Variants in STARD9 observed in about 807,000 individuals in gnomAD.
The protein encoded by STARD9 is StAR related lipid transfer domain containing 9.
STARD9 carries 346 observed loss-of-function variants against 399.8 expected under a neutral mutation model. The ratio of observed to expected loss-of-function variants is 0.87; its 90% CI spans 0.79 to 0.95. The LOEUF (loss-of-function observed/expected upper bound fraction) is 0.95. Among genes scored for constraint, STARD9 ranks in the 40% least tolerant of loss-of-function variants. The pLI, the probability that STARD9 is intolerant of heterozygous loss-of-function variation, is 0.00. For missense variants in STARD9, 5,832 were observed against 5,667.5 expected, an observed-to-expected ratio of 1.03 and a Z score of -0.93; for synonymous variants, 2,203 against 2,143.5, an observed-to-expected ratio of 1.03 and a Z score of -0.77.
chr15:42,652,688 G>A (rs1419960581), intron 9 of STARD9, 96 bp downstream of exon 9: 1 of 1,193,014 alleles, frequency 8.4e-7, no homozygotes. Context: ...TTGTTTGTTG[G>A]TTTTTGAGAC....
chr15:42,718,562 G>C (rs1199928908), intron 31 of STARD9, 48 bp downstream of exon 31: 2 of 1,516,192 alleles, frequency 1.3e-6, no homozygotes, highest in Middle Eastern at 1.7e-4. Flanking sequence ...TTGGGCTGAA[G>C]TGTCGTGAGA....
At chr15:42,612,552 T>C (rs2141817856) in intron 3 of STARD9, among the ~76,000 whole-genome samples, 1 of 152,306 alleles carries the variant, frequency 6.6e-6, no homozygotes, top group Non-Finnish European at 1.5e-5. Context: ...TCCATCTTTT[T>C]GTAGGGAGGA....
chr15:42,650,996 C>A lies in STARD9; in HGVS notation c.560-20C>A. 6.7e-7 allele frequency: 1 copy of A among 1,482,656 alleles called. No homozygotes were observed. Among genetic ancestry groups the A allele is most frequent in the Non-Finnish European group, 9.0e-7 (1 of 1,108,950 alleles). 91.8% of individuals were successfully genotyped at this position (1,482,656 alleles called of 1,614,324 possible). ...AAAAATCTCATTTAATTTCTTTTTTCCGTTTCACAAATCCGATAGGTTTAT... is the reference window on the plus strand; with the variant it reads ...AAAAATCTCATTTAATTTCTTTTTTACGTTTCACAAATCCGATAGGTTTAT... On this transcript the variant is annotated intron_variant, in intron 7 of 32. Coordinates refer to ENST00000290607, the MANE Select transcript of STARD9 (RefSeq NM_020759.3).
intron 8 of STARD9, 146 bp from the exon 9 acceptor site, chr15:42,652,374 C>T: frequency 1.4e-6 from 1 of 691,746 alleles, no homozygotes; most frequent in East Asian, 2.7e-5. Context: ...GGACTATTCT[C>T]TTCACGATAC....
At chr15:42,652,930 G>A (rs576139769) in intron 9 of STARD9, among the ~76,000 whole-genome samples, 24 of 152,206 alleles carry the variant, frequency 1.6e-4, no homozygotes, top group South Asian at 1.2e-3. Context: ...CACCTGGCTC[G>A]GCCTGCCTAA....
intron 13 of STARD9, among the ~76,000 whole-genome samples, chr15:42,664,851 GC>G (rs2060062039): frequency 6.6e-6 from 1 of 150,814 alleles, no homozygotes; most frequent in Non-Finnish European, 1.5e-5. Context: ...TTTTAAAAAG[GC>G]AATGTAATTA....
intron 10 of STARD9, 65 bp downstream of exon 10, chr15:42,661,290 T>C (rs1264340676): frequency 9.1e-7 from 1 of 1,103,006 alleles, no homozygotes. Flanking sequence ...GGGAATAAGC[T>C]GTTCCAATCT....
At position 42,684,428 on chromosome 15, in the gene STARD9, A is replaced by G. The variant is rs1317755508; in HGVS notation, c.2850A>G (p.Ala950=). ...ATCAGATGGTGAGCCAGGGCTTAGC[A>G]TCTCTGAGGAAATCAGCTAACAAAC... ...QPHQMVSQGL[A]SLRKSANKLK... Residue 950 remains alanine (A), a synonymous_variant, in exon 23 of 33, where the codon GCA becomes GCG. Transcript: ENST00000290607. 2 of 1,537,240 alleles carry G rather than the reference A, an allele frequency of 1.3e-6. No individual in the cohort carries two copies. Among genetic ancestry groups the G allele is most frequent in the East Asian group, 2.4e-5 (1 of 40,910 alleles).
intron 2 of STARD9, among the ~76,000 whole-genome samples, chr15:42,584,500 C>T (rs1232547407): frequency 2.0e-5 from 3 of 152,178 alleles, no homozygotes; most frequent in Admixed American, 6.5e-5. Flanking sequence ...GCTGACTTCC[C>T]TGTGGTCAGT....
chr15:42,702,840 C>T (rs1473757368), intron 26 of STARD9, among the ~76,000 whole-genome samples: 1 of 152,194 alleles, frequency 6.6e-6, no homozygotes, highest in Non-Finnish European at 1.5e-5. Flanking sequence ...TCCTTCAGCA[C>T]TTTGACTGTC....
rs554958937 is a variant in STARD9 at position 42,689,796 on chromosome 15, G to T, written c.8218G>T (p.Val2740Leu). ...GGTCAGGAGGGTAGTATCAAAGAAG[G>T]TAGTGGCTGCCTTACCTTCTCAGGC... ...EEVRRVVSKK[V>L]VAALPSQAPY... is the part of the protein sequence containing the mutation. Residue 2740 changes from valine to leucine, a missense_variant, in exon 23 of 33, where the codon GTA (valine) becomes TTA (leucine). Transcript: ENST00000290607. 7.8e-6 allele frequency: 12 copies of T among 1,537,362 alleles called. No homozygotes were observed. Among genetic ancestry groups the T allele is most frequent in the Admixed American group, 3.9e-5 (2 of 51,000 alleles).
chr15:42,616,890 C>CAAAAAAA (rs565991513), intron 3 of STARD9, among the ~76,000 whole-genome samples: 1 of 57,174 alleles, frequency 1.7e-5, no homozygotes, highest in African/African-American at 5.0e-5. Context: ...GACTTCCTCT[C>CAAAAAAA]AAAAAAAAAA....
chr15:42,615,718 A>C (rs2058949842), intron 3 of STARD9, among the ~76,000 whole-genome samples: 1 of 151,272 alleles, frequency 6.6e-6, no homozygotes, highest in Non-Finnish European at 1.5e-5. Flanking sequence ...AGGAGATTAA[A>C]AAAAAAAAAG....
intron 10 of STARD9, among the ~76,000 whole-genome samples, chr15:42,661,559 C>A (rs2059994238): frequency 6.6e-6 from 1 of 152,112 alleles, no homozygotes; most frequent in Admixed American, 6.6e-5. Context: ...ACCCTCCTGC[C>A]TCAGCCTCTG....
At chr15:42,703,332 C>T (rs2061006193) in intron 26 of STARD9, among the ~76,000 whole-genome samples, 1 of 151,590 alleles carries the variant, frequency 6.6e-6, no homozygotes, top group African/African-American at 2.4e-5. Context: ...TCTTGAATGC[C>T]AGTGACTCGT....
At position 42,693,546 on chromosome 15, in the gene STARD9, A is replaced by G; in HGVS notation, c.11968A>G (p.Lys3990Glu). The G allele has an allele frequency of 6.5e-7, 1 of 1,537,286 alleles. No individual in the cohort carries two copies. The highest frequency in any genetic ancestry group is 8.7e-7 in the Non-Finnish European group (1 of 1,146,914). Residue 3990 changes from lysine (K) to glutamate (E), a missense_variant, in exon 23 of 33, where the codon AAA becomes GAA. This residue lies in a region of STARD9 where 5,828 missense variants were observed against 5,651.1 expected (regional missense o/e 1.03). Coordinates refer to ENST00000290607, the MANE Select transcript of STARD9 (RefSeq NM_020759.3). ...CCCACACAGCCCACAGCAGAGTCCAAAACTCCAATTTAGTTTCTTAGGGCA... is the reference window on the plus strand; with the variant it reads ...CCCACACAGCCCACAGCAGAGTCCAGAACTCCAATTTAGTTTCTTAGGGCA... ...HSPHSPQQSP[K>E]LQFSFLGQHP...
chr15:42,694,998 TA>T, intron 24 of STARD9, 141 bp from the exon 25 acceptor site: 1 of 816,010 alleles, frequency 1.2e-6, no homozygotes, highest in Non-Finnish European at 1.9e-6. Context: ...CTCCTGAGGC[TA>T]AAAAATCATA....
intron 13 of STARD9, among the ~76,000 whole-genome samples, chr15:42,664,523 T>G (rs753550360): frequency 6.6e-6 from 1 of 152,042 alleles, no homozygotes; most frequent in Non-Finnish European, 1.5e-5. Context: ...GCCACCATGT[T>G]AGGCTGGTTT....
intron 1 of STARD9, among the ~76,000 whole-genome samples, chr15:42,577,241 C>T (rs1433122819): frequency 6.6e-6 from 1 of 152,072 alleles, no homozygotes; most frequent in Non-Finnish European, 1.5e-5. Flanking sequence ...GCAAGCTCCG[C>T]CTCCCGGGTT....
Sources: allele counts gnomAD v4.1 joint callset (sites outside exome capture counted in the v4.1 genomes callset), GRCh38; gene constraint gnomAD v4.1.1; regional missense constraint gnomAD v4.1.1; transcripts MANE v1.5; gene names NCBI Gene and HGNC (gene_info 2026-07-23, HGNC 2026-07-21).